The following FTO variants were observed in gnomAD, a reference collection of about 807,000 sequenced individuals.
The protein encoded by FTO is FTO alpha-ketoglutarate dependent dioxygenase, also known as alpha-ketoglutarate-dependent dioxygenase FTO.
A neutral mutation model predicts 63.9 loss-of-function variants in FTO; 47 were observed. The observed-to-expected ratio is 0.74, with a 90% CI of 0.58 to 0.94. FTO has a LOEUF of 0.94. Ranked by LOEUF, FTO falls within the 40% of genes least tolerant of loss-of-function variation. The probability of loss-of-function intolerance (pLI) is 0.00; values close to 1 mark genes in which losing one functional copy is unlikely to be tolerated. For synonymous variants in FTO, 207 were observed against 224.4 expected (o/e 0.92, Z 0.69); for missense variants, 562 against 618.1 (o/e 0.91, Z 0.96).
At chr16:53,716,945 A>G (rs1232534327) in intron 1 of FTO, among the ~76,000 whole-genome samples, 1 of 151,030 alleles carries the variant, frequency 6.6e-6, no homozygotes, top group Non-Finnish European at 1.5e-5. Context: ...ATATTTATAT[A>G]AGATATATTT....
At position 53,888,913 on chromosome 16, in the gene FTO, G is replaced by A. The variant is rs1271268742; in HGVS notation, c.1201G>A (p.Ala401Thr). 2 of 1,614,092 alleles carry A rather than the reference G, an allele frequency of 1.2e-6. No homozygotes were observed. The highest frequency in any genetic ancestry group is 2.2e-5 in the South Asian group (2 of 91,084). Reference protein sequence around the residue: ...KCTDWWCQPMAQLEALWKKME... With the variant: ...KCTDWWCQPMTQLEALWKKME... ...CACTGACTGGTGGTGTCAACCCATGGCTCAACTGGAAGCACTGTGGAAGAA... is the reference window on the plus strand; with the variant it reads ...CACTGACTGGTGGTGTCAACCCATGACTCAACTGGAAGCACTGTGGAAGAA... The change falls in exon 7 of 9, where the codon GCT becomes ACT. Residue 401 changes from alanine to threonine, a missense_variant. Transcript: ENST00000471389.
At chr16:53,738,031 T>TG (rs1194791379) in intron 1 of FTO, among the ~76,000 whole-genome samples, 11 of 150,506 alleles carry the variant, frequency 7.3e-5, no homozygotes, top group African/African-American at 1.7e-4. Flanking sequence ...GTAGCTTTTT[T>TG]TTTTTTTTTT....
chr16:54,106,628 A>C (rs1166467965), intron 8 of FTO, among the ~76,000 whole-genome samples: 1 of 139,372 alleles, frequency 7.2e-6, no homozygotes, highest in Admixed American at 7.4e-5. Flanking sequence ...TAAATATATA[A>C]ATTTATAAAT....
intron 8 of FTO, among the ~76,000 whole-genome samples, chr16:54,110,756 G>A (rs1435950815): frequency 1.3e-5 from 2 of 152,336 alleles, no homozygotes; most frequent in Admixed American, 6.5e-5. Flanking sequence ...GAGAGAAGGC[G>A]GGGGTGGAGG....
chr16:53,832,444 G>T (rs2079168765), intron 3 of FTO, among the ~76,000 whole-genome samples: 1 of 151,918 alleles, frequency 6.6e-6, no homozygotes. Flanking sequence ...TGTTTGTAGA[G>T]ACTGGGTCTC....
chr16:53,998,687 C>T (rs1465317349), intron 8 of FTO: 1 of 152,202 alleles, frequency 6.6e-6, no homozygotes, highest in Non-Finnish European at 1.5e-5. Flanking sequence ...CCTCATGGCT[C>T]CTGGAAACTT....
At chr16:53,929,853 G>C (rs1217235021) in intron 7 of FTO, among the ~76,000 whole-genome samples, 2 of 152,154 alleles carry the variant, frequency 1.3e-5, no homozygotes, top group African/African-American at 4.8e-5. Flanking sequence ...TGCATGTAAG[G>C]ATACATTTGG....
intron 8 of FTO, among the ~76,000 whole-genome samples, chr16:54,001,762 G>A (rs1305388434): frequency 6.6e-6 from 1 of 152,188 alleles, no homozygotes; most frequent in Non-Finnish European, 1.5e-5. Context: ...TGGTCAGAAT[G>A]GAGTTGGAAA....
At chr16:53,769,875 G>C (rs1361724454) in intron 1 of FTO, among the ~76,000 whole-genome samples, 2 of 152,054 alleles carry the variant, frequency 1.3e-5, no homozygotes, top group Non-Finnish European at 2.9e-5. Flanking sequence ...TCCACACAAG[G>C]TTTCTAAGGT....
chr16:53,721,476 C>T lies in FTO; in HGVS notation c.45+17247C>T, dbSNP rs886884255. On this transcript the variant is annotated intron_variant, in intron 1 of 8. Coordinates refer to ENST00000471389, the MANE Select transcript of FTO (RefSeq NM_001080432.3). ...ATGAAAAATAAATGTATGATTATTC[C>T]TTCCCTTTCAATTGCAGTTACATTA... Among the ~76,000 whole-genome samples the T allele has an allele frequency of 3.3e-5, 5 of 152,024 alleles. No homozygotes were observed. The South Asian group carries it at 1.0e-3, about 32-fold the overall frequency.
In FTO at chr16:53,774,012, G is replaced by A. The variant is rs9924817; in HGVS notation, c.46-36128G>A. On this transcript the variant is annotated intron_variant, in intron 1 of 8. Coordinates refer to ENST00000471389, the MANE Select transcript of FTO (RefSeq NM_001080432.3). ...TAATTTTTTCCATGGTCGTAAGTTC[G>A]GCCCCATTTAATTCTTTGTGGTTTT... is the stretch of plus-strand genomic sequence containing the variant. 7.1e-3 allele frequency among the ~76,000 whole-genome samples: 1,083 copies of A among 152,170 alleles called. 15 individuals are homozygous for A. Among genetic ancestry groups the A allele is most frequent in the African/African-American group, 0.025 (1,018 of 41,532 alleles).
At position 54,067,141 on chromosome 16, in the gene FTO, T is replaced by G. The variant is rs1385553338; in HGVS notation, c.1365-44621T>G. Among the ~76,000 whole-genome samples the G allele has an allele frequency of 6.6e-3, 26 of 3,916 alleles. No individual in the cohort carries two copies. In the Admixed American group the frequency reaches 0.16, roughly 24 times the overall value. 2.6% of individuals were successfully genotyped at this position (3,916 alleles called of 152,430 possible). On this transcript the variant is annotated intron_variant, in intron 8 of 8. Transcript: ENST00000471389. ...TTGGGGTGTTTTTGGTTGTTGTTGT[T>G]TTTTTTTTGTTTTCTTTTTTTGAAT...
chr16:53,750,808 C>T (rs889849556), intron 1 of FTO, among the ~76,000 whole-genome samples: 3 of 152,078 alleles, frequency 2.0e-5, no homozygotes, highest in Admixed American at 6.6e-5. Context: ...TGGTACATGG[C>T]AACACAGTAG....
intron 6 of FTO, among the ~76,000 whole-genome samples, chr16:53,883,028 A>G (rs966059128): frequency 6.6e-6 from 1 of 152,176 alleles, no homozygotes; most frequent in African/African-American, 2.4e-5. Flanking sequence ...CCAGAACTTC[A>G]GGAAAGAATA....
intron 3 of FTO, among the ~76,000 whole-genome samples, chr16:53,841,765 A>G (rs754309900): frequency 6.6e-6 from 1 of 152,238 alleles, no homozygotes; most frequent in Non-Finnish European, 1.5e-5. Flanking sequence ...TGTGATATAT[A>G]CATGATACAG....
intron 5 of FTO, among the ~76,000 whole-genome samples, chr16:53,876,625 A>G (rs2080661306): frequency 6.6e-6 from 1 of 152,220 alleles, no homozygotes; most frequent in Non-Finnish European, 1.5e-5. Context: ...ATGGCAAAGG[A>G]ATCGAATTAA....
intron 1 of FTO, among the ~76,000 whole-genome samples, chr16:53,704,504 G>T (rs1164001992): frequency 6.6e-6 from 1 of 152,124 alleles, no homozygotes; most frequent in Non-Finnish European, 1.5e-5. Flanking sequence ...TAAATTTGTC[G>T]CCATCCCTGT....
chr16:53,799,176 G>A (rs1269000121), intron 1 of FTO, among the ~76,000 whole-genome samples: 1 of 152,078 alleles, frequency 6.6e-6, no homozygotes, highest in Non-Finnish European at 1.5e-5. Context: ...ATATTGGTCT[G>A]TAGTTTTCTT....
chr16:54,068,709 T>C (rs966463997), intron 8 of FTO, among the ~76,000 whole-genome samples: 1 of 152,226 alleles, frequency 6.6e-6, no homozygotes, highest in East Asian at 1.9e-4. Flanking sequence ...TCATTTTTAC[T>C]ACTTACAATG....
Sources: allele counts gnomAD v4.1 joint callset (sites outside exome capture counted in the v4.1 genomes callset), GRCh38; gene constraint gnomAD v4.1.1; transcripts MANE v1.5; gene names NCBI Gene and HGNC (gene_info 2026-07-23, HGNC 2026-07-21).